SFI1: variants seen among roughly 807,000 people sequenced by gnomAD.
The protein encoded by SFI1 is SFI1 centrin binding protein, also known as protein SFI1 homolog.
A neutral mutation model predicts 207.5 loss-of-function variants in SFI1; 195 were observed. That is an observed-to-expected ratio of 0.94 (90% CI 0.84 to 1.06). SFI1 has a LOEUF of 1.06. Ranked by LOEUF, SFI1 falls within the 50% of genes least tolerant of loss-of-function variation. The probability of loss-of-function intolerance (pLI) is 0.00; values close to 1 mark genes in which losing one functional copy is unlikely to be tolerated. For synonymous variants in SFI1, 630 were observed against 598.9 expected, an observed-to-expected ratio of 1.05 and a Z score of -0.76; for missense variants, 1,634 against 1,588.0, an observed-to-expected ratio of 1.03 and a Z score of -0.49.
intron 5 of SFI1, among the ~76,000 whole-genome samples, chr22:31,549,288 TAAAA>T (rs59382278): frequency 4.6e-4 from 17 of 37,220 alleles, no homozygotes; most frequent in East Asian, 1.6e-3. Flanking sequence ...AGACCCTGTG[TAAAA>T]AAAAAAAAAA....
chr22:31,594,440 C>T (rs945285858), intron 15 of SFI1, among the ~76,000 whole-genome samples: 9 of 150,670 alleles, frequency 6.0e-5, no homozygotes, highest in Non-Finnish European at 1.3e-4. Flanking sequence ...CCCAGCTACT[C>T]GGGAGGCTGA....
At chr22:31,614,066 C>G in intron 27 of SFI1, 4 of 623,958 alleles carry the variant, frequency 6.4e-6, no homozygotes, top group Non-Finnish European at 1.0e-5. Context: ...AACCCTCTCT[C>G]CTTTGCCTGC....
In SFI1 at chr22:31,618,551, A is replaced by T. The variant is rs1041426712; in HGVS notation, c.*133A>T. The T allele has an allele frequency of 1.6e-5, 15 of 917,624 alleles. No individual in the cohort carries two copies. In the African/African-American group the frequency reaches 2.5e-4, roughly 16 times the overall value. 56.8% of individuals were successfully genotyped at this position (917,624 alleles called of 1,614,324 possible). ...GCAATTAAATGAATTACTGTTCAGA[A>T]GTCTCCCACTTTTCATACAAAAATA... On this transcript the variant is annotated 3_prime_UTR_variant, in exon 33 of 33. Coordinates refer to ENST00000400288, the MANE Select transcript of SFI1 (RefSeq NM_001007467.3).
At chr22:31,580,393 C>T (rs2063974650) in intron 12 of SFI1, 29 bp downstream of exon 12, 2 of 1,571,988 alleles carry the variant, frequency 1.3e-6, no homozygotes, top group East Asian at 2.2e-5. Flanking sequence ...ATCAAGGGAC[C>T]TCTTCTGAAG....
chr22:31,521,428 C>T (rs1446588187), intron 2 of SFI1: 4 of 162,846 alleles, frequency 2.5e-5, no homozygotes, highest in East Asian at 3.5e-4. Flanking sequence ...GCACTGTTCA[C>T]AGTGGCAGTC....
At chr22:31,568,165 A>ATGTGTG (rs751455847) in intron 8 of SFI1, among the ~76,000 whole-genome samples, 7 of 119,034 alleles carry the variant, frequency 5.9e-5, no homozygotes, top group African/African-American at 1.7e-4. Context: ...CTATATATAT[A>ATGTGTG]TGTGTGTGTG....
At chr22:31,592,844 GCCAGGCGGGGGGGCTGA>G (rs1378971128) in intron 15 of SFI1, among the ~76,000 whole-genome samples, 2 of 138,448 alleles carry the variant, frequency 1.4e-5, no homozygotes, top group African/African-American at 5.9e-5. Context: ...GGGGCGGCTG[GCCAGGCGGGGGGGCTGA>G]CCCCCCCATC....
intron 15 of SFI1, among the ~76,000 whole-genome samples, chr22:31,594,840 G>A (rs2066836839): frequency 8.9e-6 from 1 of 111,998 alleles, no homozygotes; most frequent in Non-Finnish European, 1.7e-5. Context: ...GGGCGACAGA[G>A]TGAGACTCTG....
intron 15 of SFI1, among the ~76,000 whole-genome samples, chr22:31,594,577 C>T (rs1276109388): frequency 2.1e-5 from 3 of 146,232 alleles, no homozygotes; most frequent in Admixed American, 6.9e-5. Context: ...AGAAAAAGGC[C>T]GGGCCTGGTG....
At chr22:31,541,743 CAAAAAAAA>C (rs71673219) in intron 4 of SFI1, among the ~76,000 whole-genome samples, 9 of 86,204 alleles carry the variant, frequency 1.0e-4, no homozygotes, top group African/African-American at 4.5e-4. Flanking sequence ...GACTCCATCT[CAAAAAAAA>C]AAAAAAAAAA....
chr22:31,528,703 G>A lies in SFI1; in HGVS notation c.106G>A (p.Gly36Ser). 1 of 1,613,574 alleles carries A rather than the reference G, an allele frequency of 6.2e-7. No individual in the cohort carries two copies. Among genetic ancestry groups the A allele is most frequent in the Non-Finnish European group, 8.5e-7 (1 of 1,179,738 alleles). The change falls in exon 3 of 33, where the codon GGT becomes AGT. Residue 36 changes from glycine to serine, a missense_variant. Transcript: ENST00000400288. Reference protein sequence around the residue: ...KKVDSRYFKDGAVKKPYSAKT... With the variant: ...KKVDSRYFKDSAVKKPYSAKT... ...CTCAAATTTAAGGTATTTTAAGGAT[G>A]GTGCAGTTAAGAAACCTTATTCTGC...
intron 8 of SFI1, among the ~76,000 whole-genome samples, chr22:31,562,293 A>G (rs913916135): frequency 6.6e-6 from 1 of 152,150 alleles, no homozygotes; most frequent in African/African-American, 2.4e-5. Flanking sequence ...CTGACCCTTT[A>G]AGAAAAAGTT....
rs1264531144 is a variant in SFI1 at position 31,570,735 on chromosome 22, G to GT, written c.766-2316dup. Among the ~76,000 whole-genome samples the GT allele has an allele frequency of 4.6e-5, 7 of 152,018 alleles. No homozygotes were observed. The East Asian group carries it at 5.8e-4, about 13-fold the overall frequency. On this transcript the variant is annotated intron_variant, in intron 8 of 32. Coordinates refer to ENST00000400288, the MANE Select transcript of SFI1 (RefSeq NM_001007467.3). Reference sequence around the variant, plus strand: ...TGGGCAACATAGAGAGACCCCATCTGTTTTTTTAAAAAAAGCTACTAGGGT... The same window carrying GT: ...TGGGCAACATAGAGAGACCCCATCTGTTTTTTTTAAAAAAAGCTACTAGGGT...
At chr22:31,561,700 G>C (rs943408943) in intron 8 of SFI1, among the ~76,000 whole-genome samples, 2 of 152,198 alleles carry the variant, frequency 1.3e-5, no homozygotes, top group Admixed American at 6.5e-5. Context: ...CCTCGTTGCT[G>C]TTTTCCTACA....
At chr22:31,500,432 A>G (rs144916878) in intron 1 of SFI1, among the ~76,000 whole-genome samples, 1 of 152,192 alleles carries the variant, frequency 6.6e-6, no homozygotes, top group African/African-American at 2.4e-5. Flanking sequence ...AATTGTTAGC[A>G]TTTTTTAGCA....
In SFI1 at chr22:31,614,809, G is replaced by A. The variant is rs1478703615; in HGVS notation, c.3017G>A (p.Arg1006Lys). 6.2e-7 allele frequency: 1 copy of A among 1,613,890 alleles called. No homozygotes were observed. The highest frequency in any genetic ancestry group is 2.2e-5 in the East Asian group (1 of 44,874). Residue 1006 changes from arginine to lysine, a missense_variant, in exon 28 of 33, where the codon AGG becomes AAG. By Grantham distance (26) the Arg-to-Lys change is conservative. Coordinates refer to ENST00000400288, the MANE Select transcript of SFI1 (RefSeq NM_001007467.3). ...TCCAGCAACACTGCCCACTCAGCGA[G>A]GAAGCAGCCGCGACGCCCACACTTC... ...ALELNTAHSA[R>K]KQPRRPHFLL...
At chr22:31,543,682 C>T (rs2059805310) in intron 4 of SFI1, among the ~76,000 whole-genome samples, 4 of 151,768 alleles carry the variant, frequency 2.6e-5, no homozygotes, top group South Asian at 4.2e-4. Context: ...TGGTGGCACA[C>T]GCCTGTAGTC....
At chr22:31,587,301 A>ATTTGTTTCGT (rs112798271) in intron 14 of SFI1, 2 of 351,578 alleles carry the variant, frequency 5.7e-6, no homozygotes, top group South Asian at 2.3e-5. Context: ...ATGCCAATTT[A>ATTTGTTTCGT]TTTGTTTTGT....
intron 4 of SFI1, among the ~76,000 whole-genome samples, chr22:31,539,125 AC>A (rs1167426487): frequency 6.6e-6 from 1 of 152,118 alleles, no homozygotes; most frequent in Non-Finnish European, 1.5e-5. Context: ...TGTTGCTTCA[AC>A]CTTCAAAATG....
Sources: allele counts gnomAD v4.1 joint callset (sites outside exome capture counted in the v4.1 genomes callset), GRCh38; gene constraint gnomAD v4.1.1; transcripts MANE v1.5; gene names NCBI Gene and HGNC (gene_info 2026-07-23, HGNC 2026-07-21).